Variants in KLHL28 observed in about 807,000 individuals in gnomAD.
KLHL28 encodes kelch like family member 28.
Under a neutral mutation model 48.3 loss-of-function variants are expected in KLHL28, and 22 were observed. The observed-to-expected ratio is 0.46, with a 90% CI of 0.33 to 0.65. KLHL28 has a LOEUF of 0.65. Ranked by LOEUF, KLHL28 falls within the 30% of genes least tolerant of loss-of-function variation. The probability of loss-of-function intolerance (pLI) is 0.03; values close to 1 mark genes in which losing one functional copy is unlikely to be tolerated. For synonymous variants in KLHL28, 243 were observed against 242.4 expected (o/e 1.00, Z -0.02); for missense variants, 527 against 704.3 (o/e 0.75, Z 2.85).
intron 3 of KLHL28, 53 bp from the exon 4 acceptor site, chr14:44,931,594 T>G (rs555135904): frequency 7.0e-7 from 1 of 1,422,608 alleles, no homozygotes; most frequent in East Asian, 2.4e-5. Flanking sequence ...TCATTCTTCC[T>G]GTCAAAGCAA....
intron 1 of KLHL28, among the ~76,000 whole-genome samples, chr14:44,955,249 A>G (rs1176309889): frequency 6.6e-6 from 1 of 151,512 alleles, no homozygotes; most frequent in Non-Finnish European, 1.5e-5. Flanking sequence ...TAATTTATAT[A>G]TAATACATAA....
At chr14:44,930,401 A>G (rs1019962809) in intron 4 of KLHL28, among the ~76,000 whole-genome samples, 2 of 152,086 alleles carry the variant, frequency 1.3e-5, no homozygotes, top group Admixed American at 1.3e-4. Flanking sequence ...AGTAGCTGAC[A>G]CTACAGGCAT....
At chr14:44,943,717 C>CT (rs112454594) in intron 2 of KLHL28, among the ~76,000 whole-genome samples, 7,301 of 141,254 alleles carry the variant, frequency 0.052, 615 homozygotes, top group African/African-American at 0.18. Context: ...TATTATCGGA[C>CT]TTTTTTTTTT....
intron 3 of KLHL28, among the ~76,000 whole-genome samples, chr14:44,932,251 G>GGC (rs1883622261): frequency 1.1e-5 from 1 of 91,548 alleles, no homozygotes; most frequent in African/African-American, 5.4e-5. Context: ...AGAGAGGGGT[G>GGC]GGGGGTGGGG....
At position 44,925,636 on chromosome 14, in the gene KLHL28, T is replaced by C. The variant is rs185574125; in HGVS notation, c.*3392A>G. On this transcript the variant is annotated 3_prime_UTR_variant, in exon 5 of 5. Coordinates refer to ENST00000396128, the MANE Select transcript of KLHL28 (RefSeq NM_017658.5). Reference sequence around the variant, plus strand: ...ATATCTCTCTAGCTCCCACAGCATCTAACAGAATATCTCATACATATAGCA... The same window carrying C: ...ATATCTCTCTAGCTCCCACAGCATCCAACAGAATATCTCATACATATAGCA... 5.3e-5 allele frequency: 8 copies of C among 152,290 alleles called. No homozygotes were observed. The highest frequency in any genetic ancestry group is 2.9e-5 in the Non-Finnish European group (2 of 67,968). 9.4% of individuals were successfully genotyped at this position (152,290 alleles called of 1,614,324 possible).
chr14:44,960,420 TTCC>T (rs1884988829), intron 1 of KLHL28, among the ~76,000 whole-genome samples: 1 of 152,122 alleles, frequency 6.6e-6, no homozygotes, highest in Non-Finnish European at 1.5e-5. Flanking sequence ...TTGAACTGGG[TTCC>T]TCAAGTCTGG....
At position 44,926,027 on chromosome 14, in the gene KLHL28, T is replaced by G. The variant is rs1028223707; in HGVS notation, c.*3001A>C. ...GAATATGTAAAATTATTTCTAATAC[T>G]TTTAATCCTGAGGATTTATAACCAA... is the stretch of plus-strand genomic sequence containing the variant. On this transcript the variant is annotated 3_prime_UTR_variant, in exon 5 of 5. Transcript: ENST00000396128. The G allele has an allele frequency of 1.3e-5, 2 of 152,196 alleles. No individual in the cohort carries two copies. Among genetic ancestry groups the G allele is most frequent in the African/African-American group, 4.8e-5 (2 of 41,460 alleles). 9.4% of individuals were successfully genotyped at this position (152,196 alleles called of 1,614,324 possible). A position where few individuals can be genotyped will look rare whatever the true frequency, so the allele number is the denominator to read the frequency against.
chr14:44,958,721 A>G (rs1318060439), intron 1 of KLHL28, among the ~76,000 whole-genome samples: 1 of 151,600 alleles, frequency 6.6e-6, no homozygotes, highest in Non-Finnish European at 1.5e-5. Context: ...AATCCATGTT[A>G]TGACAGGCGT....
intron 2 of KLHL28, among the ~76,000 whole-genome samples, chr14:44,937,428 T>A (rs559557728): frequency 1.7e-3 from 264 of 152,262 alleles, no homozygotes; most frequent in Admixed American, 3.0e-3. Context: ...ATTACAGGCG[T>A]GATCCACTGT....
rs1404969146 is a variant in KLHL28, at chr14:44,929,650, G to C, written c.1553-459C>G. On this transcript the variant is annotated intron_variant, in intron 4 of 4. Coordinates refer to ENST00000396128, the MANE Select transcript of KLHL28 (RefSeq NM_017658.5). ...ATATATATCTCCTGTGGGTATGGGG[G>C]GCCTACTGGAGCAATATGAGCTTGA... Among the ~76,000 whole-genome samples, 3 of 151,982 alleles carry C rather than the reference G, an allele frequency of 2.0e-5. No individual in the cohort carries two copies. The East Asian group carries it at 5.8e-4, about 29-fold the overall frequency.
intron 2 of KLHL28, among the ~76,000 whole-genome samples, chr14:44,935,430 G>A (rs2138593914): frequency 6.6e-6 from 1 of 152,224 alleles, no homozygotes; most frequent in Admixed American, 6.5e-5. Context: ...CTGCATGTGT[G>A]TAACACTTTA....
chr14:44,953,136 T>A (rs950359805), intron 1 of KLHL28, among the ~76,000 whole-genome samples: 1 of 152,144 alleles, frequency 6.6e-6, no homozygotes, highest in African/African-American at 2.4e-5. Context: ...ACAGAAAATA[T>A]AAAAGTAGAT....
chr14:44,940,133 A>G (rs1324935396), intron 2 of KLHL28, among the ~76,000 whole-genome samples: 1 of 152,174 alleles, frequency 6.6e-6, no homozygotes, highest in Non-Finnish European at 1.5e-5. Flanking sequence ...CAAAGAGAAA[A>G]TGGAAGCAGG....
At chr14:44,938,600 G>A (rs1308378420) in intron 2 of KLHL28, among the ~76,000 whole-genome samples, 1 of 152,170 alleles carries the variant, frequency 6.6e-6, no homozygotes, top group Non-Finnish European at 1.5e-5. Context: ...TCAATCTCCT[G>A]ACCTCGCGAT....
Position 44,925,940 on chromosome 14 carries a change from C to G in KLHL28, c.*3088G>C, listed in dbSNP as rs1883359134. On this transcript the variant is annotated 3_prime_UTR_variant, in exon 5 of 5. Transcript: ENST00000396128. ...AACTGATTACATTAATTTCTATTTC[C>G]CAGTGCTGCTCTTTTCCAAAATATT... 1.3e-5 allele frequency: 2 copies of G among 152,220 alleles called. No individual in the cohort carries two copies. Among genetic ancestry groups the G allele is most frequent in the South Asian group, 4.1e-4 (2 of 4,826 alleles). 9.4% of individuals were successfully genotyped at this position (152,220 alleles called of 1,614,324 possible). A position where few individuals can be genotyped will look rare whatever the true frequency, so the allele number is the denominator to read the frequency against.
chr14:44,955,613 A>C (rs1169063690), intron 1 of KLHL28, among the ~76,000 whole-genome samples: 1 of 152,124 alleles, frequency 6.6e-6, no homozygotes, highest in Non-Finnish European at 1.5e-5. Flanking sequence ...CCGTCTCTAC[A>C]AAGAAAAAAA....
intron 1 of KLHL28, among the ~76,000 whole-genome samples, chr14:44,948,041 T>A (rs949474972): frequency 1.3e-5 from 2 of 152,210 alleles, no homozygotes; most frequent in African/African-American, 4.8e-5. Flanking sequence ...TTGATCTTTT[T>A]AACCTATGTA....
intron 1 of KLHL28, among the ~76,000 whole-genome samples, chr14:44,958,659 C>T (rs1884903423): frequency 6.6e-6 from 1 of 152,072 alleles, no homozygotes. Context: ...GTCAAGAGCT[C>T]TTACTGGATG....
chr14:44,953,286 C>T (rs1884664663), intron 1 of KLHL28, among the ~76,000 whole-genome samples: 1 of 151,982 alleles, frequency 6.6e-6, no homozygotes, highest in Non-Finnish European at 1.5e-5. Context: ...ATACCTACAC[C>T]AACAGGATAA....
Sources: allele counts gnomAD v4.1 joint callset (sites outside exome capture counted in the v4.1 genomes callset), GRCh38; gene constraint gnomAD v4.1.1; transcripts MANE v1.5; gene names NCBI Gene and HGNC (gene_info 2026-07-23, HGNC 2026-07-21).